RUBCN: variants seen among roughly 807,000 people sequenced by gnomAD.
RUBCN encodes the protein run domain Beclin-1-interacting and cysteine-rich domain-containing protein.
A neutral mutation model predicts 113.2 loss-of-function variants in RUBCN; 74 were observed. The ratio of observed to expected loss-of-function variants is 0.65; its 90% CI spans 0.54 to 0.79. RUBCN has a LOEUF of 0.79. RUBCN is among the 30% of genes least tolerant of loss of function. The probability of loss-of-function intolerance (pLI) is 0.00; values close to 1 mark genes in which losing one functional copy is unlikely to be tolerated. For synonymous variants in RUBCN, 480 were observed against 490.0 expected (o/e 0.98, Z 0.27); for missense variants, 1,109 against 1,251.7 (o/e 0.89, Z 1.72).
intron 1 of RUBCN, among the ~76,000 whole-genome samples, chr3:197,734,275 G>A (rs112227614): frequency 0.033 from 4,729 of 142,780 alleles, 240 homozygotes; most frequent in African/African-American, 0.11. Flanking sequence ...AAAAAAAAAA[G>A]TGCAGTCTCT....
Position 197,704,560 on chromosome 3 carries a change from T to C in RUBCN, c.445A>G (p.Ile149Val), listed in dbSNP as rs1580272210. ...LRPLLGDRQY[I>V]RKFYTDAAFL... The stretch of plus-strand genomic sequence containing the variant: ...TACCTACCTGTGTAGAATTTTCTGA[T>C]ATACTGTCTATCCCCGAGCAGGGGC... The change falls in exon 4 of 20, where the codon ATC (isoleucine) becomes GTC (valine). Residue 149 changes from isoleucine (I) to valine (V), a missense_variant. Physicochemically the swap from Ile to Val is conservative, Grantham distance 29 (BLOSUM62 3). Around this residue, in one of 3 missense-constraint regions of RUBCN, gnomAD observed 736 missense variants for 779.6 expected, o/e 0.94. Coordinates refer to ENST00000296343, the MANE Select transcript of RUBCN (RefSeq NM_014687.4). The C allele has an allele frequency of 6.2e-7, 1 of 1,614,212 alleles. No homozygotes were observed. The highest frequency in any genetic ancestry group is 2.2e-5 in the East Asian group (1 of 44,884).
At position 197,714,054 on chromosome 3, in the gene RUBCN, C is replaced by T. The variant is rs545071942; in HGVS notation, c.219+3923G>A. 4.0e-5 allele frequency among the ~76,000 whole-genome samples: 6 copies of T among 151,620 alleles called. No individual in the cohort carries two copies. The South Asian group carries it at 1.0e-3, about 26-fold the overall frequency. On this transcript the variant is annotated intron_variant, in intron 2 of 19. Coordinates refer to ENST00000296343, the MANE Select transcript of RUBCN (RefSeq NM_014687.4). ...TCACGCCACTGCACTCCAGCCTGGG[C>T]GACAGAGCGAGACTCTGTATCAAAA... is the stretch of plus-strand genomic sequence containing the variant.
chr3:197,694,793 T>G (rs1417003438), intron 9 of RUBCN, among the ~76,000 whole-genome samples: 7 of 152,308 alleles, frequency 4.6e-5, no homozygotes, highest in Non-Finnish European at 1.0e-4. Context: ...AGCCTGTCCC[T>G]TCCTGTCTCA....
intron 2 of RUBCN, among the ~76,000 whole-genome samples, chr3:197,717,678 T>C (rs989423642): frequency 6.6e-6 from 1 of 152,190 alleles, no homozygotes; most frequent in African/African-American, 2.4e-5. Context: ...ATGATAAATC[T>C]GTGTTGTTTT....
intron 1 of RUBCN, among the ~76,000 whole-genome samples, chr3:197,745,052 C>T (rs375039310): frequency 1.0e-3 from 154 of 148,380 alleles, no homozygotes; most frequent in African/African-American, 3.6e-3. Flanking sequence ...TTTGGGAGGC[C>T]GAGGTGGGCA....
At position 197,675,050 on chromosome 3, in the gene RUBCN, C is replaced by T. The variant is rs1720195118; in HGVS notation, c.2887G>A (p.Ala963Thr). 3.7e-6 allele frequency: 6 copies of T among 1,613,000 alleles called. No individual in the cohort carries two copies. Among genetic ancestry groups the T allele is most frequent in the Non-Finnish European group, 3.4e-6 (4 of 1,179,898 alleles). Residue 963 changes from alanine to threonine, a missense_variant, in exon 20 of 20, where the codon GCC becomes ACC. Ala to Thr is a moderately conservative substitution (Grantham distance 58, BLOSUM62 0). Coordinates refer to ENST00000296343, the MANE Select transcript of RUBCN (RefSeq NM_014687.4). The surrounding 1 kb of genome is among the most constrained non-coding windows in gnomAD (Gnocchi z 4.4). ...DYEEEPAEAL[A>T]LEAAVLEAT ...GCCTCCAGGACGGCGGCTTCCAGGG[C>T]CAGCGCTTCCGCGGGCTCCTCCTCG...
chr3:197,747,839 C>G (rs60287156), intron 1 of RUBCN, among the ~76,000 whole-genome samples: 3,876 of 152,044 alleles, frequency 0.025, 112 homozygotes, highest in African/African-American at 0.066. Flanking sequence ...TCCAGAGACT[C>G]TCCCAAAATC....
intron 1 of RUBCN, among the ~76,000 whole-genome samples, chr3:197,727,199 C>T (rs1382557674): frequency 6.6e-6 from 1 of 152,192 alleles, no homozygotes; most frequent in Non-Finnish European, 1.5e-5. Flanking sequence ...CTCAGCCTCC[C>T]AAAGTGCTGG....
chr3:197,686,544 A>G lies in RUBCN; in HGVS notation c.1787-2327T>C, dbSNP rs561119627. 3.9e-5 allele frequency among the ~76,000 whole-genome samples: 6 copies of G among 152,300 alleles called. No individual in the cohort carries two copies. The East Asian group carries it at 1.2e-3, about 29-fold the overall frequency. ...GTCCTGGGCCTGCGCTGCAGCCCTCATCACTCTCTGGTCGGTTCAAGCAGA... is the reference window on the plus strand; with the variant it reads ...GTCCTGGGCCTGCGCTGCAGCCCTCGTCACTCTCTGGTCGGTTCAAGCAGA... On this transcript the variant is annotated intron_variant, in intron 11 of 19. Transcript: ENST00000296343.
chr3:197,737,538 C>G (rs1728280799), upstream of RUBCN, among the ~76,000 whole-genome samples: 3 of 151,888 alleles, frequency 2.0e-5, no homozygotes, highest in Admixed American at 2.0e-4. Flanking sequence ...TTGGGAACTG[C>G]AGGTGCTGGG....
chr3:197,736,952 G>A (rs1036285471), upstream of RUBCN: 33 of 1,308,944 alleles, frequency 2.5e-5, no homozygotes, highest in African/African-American at 4.8e-4. Context: ...GCACTCCGAG[G>A]CTAGGCCGCT....
intron 11 of RUBCN, among the ~76,000 whole-genome samples, chr3:197,691,433 G>C (rs376879314): frequency 1.6e-4 from 24 of 151,980 alleles, no homozygotes; most frequent in African/African-American, 5.6e-4. Flanking sequence ...ATACTGGGGA[G>C]GGGTTACCAC....
At chr3:197,709,968 C>T (rs1250312536) in intron 2 of RUBCN, among the ~76,000 whole-genome samples, 9 of 151,592 alleles carry the variant, frequency 5.9e-5, no homozygotes, top group Non-Finnish European at 8.8e-5. Context: ...GTCAGGAGTT[C>T]GAGGCCAGCC....
chr3:197,733,026 C>G (rs1727698920), intron 1 of RUBCN, among the ~76,000 whole-genome samples: 2 of 152,234 alleles, frequency 1.3e-5, no homozygotes, highest in Non-Finnish European at 2.9e-5. Flanking sequence ...TCTTCCTACT[C>G]AGGCAGGTTA....
At chr3:197,691,101 A>G (rs1197313514) in intron 11 of RUBCN, 1 of 1,289,546 alleles carries the variant, frequency 7.8e-7, no homozygotes, top group African/African-American at 1.5e-5. Context: ...AGTGACACTG[A>G]CAGTCCGTTC....
At position 197,720,389 on chromosome 3, in the gene RUBCN, T is replaced by G. The variant is rs1306442147; in HGVS notation, c.66-2259A>C. On this transcript the variant is annotated intron_variant, in intron 1 of 19. Transcript: ENST00000296343. ...ATAGTGTATACACACCCCATTATCT[T>G]TAGCCATTAATCTGTTGACGGACAT... 2.0e-5 allele frequency among the ~76,000 whole-genome samples: 3 copies of G among 152,074 alleles called. No homozygotes were observed. In the East Asian group the frequency reaches 5.8e-4, roughly 29 times the overall value.
Position 197,669,995 on chromosome 3 carries a change from TCTC to T in RUBCN, c.*5020_*5022del, listed in dbSNP as rs1393503571. The stretch of plus-strand genomic sequence containing the variant: ...CCTCCGCCACCCGGGTTCAAGCAAT[TCTC>T]CTGTCTCAACCTCGCGAGTAGCTGG... On this transcript the variant is annotated 3_prime_UTR_variant, in exon 20 of 20. Transcript: ENST00000296343. 6.6e-6 allele frequency among the ~76,000 whole-genome samples: 1 copy of T among 152,196 alleles called. No homozygotes were observed. Among genetic ancestry groups the T allele is most frequent in the Non-Finnish European group, 1.5e-5 (1 of 68,032 alleles).
At chr3:197,745,997 CT>C (rs1284666978) in intron 1 of RUBCN, among the ~76,000 whole-genome samples, 2 of 152,152 alleles carry the variant, frequency 1.3e-5, no homozygotes, top group African/African-American at 4.8e-5. Flanking sequence ...TGCCACTGCA[CT>C]CCAGCCTGGG....
At chr3:197,695,790 A>C in intron 9 of RUBCN, 76 bp downstream of exon 9, 4 of 1,320,374 alleles carry the variant, frequency 3.0e-6, no homozygotes, top group Non-Finnish European at 4.4e-6. Context: ...AAACCTCATC[A>C]GAACAAATGG....
Sources: allele counts gnomAD v4.1 joint callset (sites outside exome capture counted in the v4.1 genomes callset), GRCh38; gene constraint gnomAD v4.1.1; regional missense constraint gnomAD v4.1.1; non-coding constraint Gnocchi (gnomAD v3.1); transcripts MANE v1.5; gene names NCBI Gene and HGNC (gene_info 2026-07-23, HGNC 2026-07-21).